GARNL3: variants seen among roughly 807,000 people sequenced by gnomAD.
GARNL3 encodes the protein GTPase activating Rap/RanGAP domain like 3.
GARNL3 carries 63 observed loss-of-function variants against 125.0 expected under a neutral mutation model. The ratio of observed to expected loss-of-function variants is 0.50; its 90% confidence interval spans 0.41 to 0.62. The LOEUF is 0.62. Ranked by LOEUF, GARNL3 falls within the 20% of genes least tolerant of loss-of-function variation. The probability of loss-of-function intolerance (pLI) is 0.00; values close to 1 mark genes in which losing one functional copy is unlikely to be tolerated. For synonymous variants in GARNL3, 439 were observed against 457.5 expected (o/e 0.96, Z 0.52); for missense variants, 994 against 1,244.0 (o/e 0.80, Z 3.02).
chr9:127,315,855 C>A (rs375951073), intron 4 of GARNL3, among the ~76,000 whole-genome samples: 1 of 152,138 alleles, frequency 6.6e-6, no homozygotes, highest in East Asian at 1.9e-4. Context: ...ATAATCACTG[C>A]AACAGGCTTC....
intron 10 of GARNL3, 27 bp from the exon 11 acceptor site, chr9:127,336,101 C>A: frequency 1.3e-6 from 2 of 1,499,144 alleles, no homozygotes; most frequent in Non-Finnish European, 9.3e-7. Flanking sequence ...GAGTCTTTCT[C>A]AGTGATGTTA....
intron 4 of GARNL3, among the ~76,000 whole-genome samples, chr9:127,315,044 G>A (rs2065201729): frequency 1.3e-5 from 2 of 152,244 alleles, no homozygotes; most frequent in South Asian, 2.1e-4. Flanking sequence ...CAGGACTGCT[G>A]TGAAGGCAGC....
At chr9:127,271,950 T>C (rs2063833047) in intron 1 of GARNL3, among the ~76,000 whole-genome samples, 1 of 150,276 alleles carries the variant, frequency 6.7e-6, no homozygotes, top group Non-Finnish European at 1.5e-5. Flanking sequence ...AATAAATATA[T>C]CAGTGCTTCT....
At chr9:127,373,812 C>T (rs1337566005) in intron 22 of GARNL3, among the ~76,000 whole-genome samples, 2 of 152,132 alleles carry the variant, frequency 1.3e-5, no homozygotes, top group Non-Finnish European at 2.9e-5. Flanking sequence ...TCACTTGAGT[C>T]TGGCCAACAT....
intron 7 of GARNL3, among the ~76,000 whole-genome samples, chr9:127,328,281 C>A (rs1829007924): frequency 6.6e-6 from 1 of 152,122 alleles, no homozygotes; most frequent in African/African-American, 2.4e-5. Flanking sequence ...GGAGTGTGAA[C>A]AATGGCCATG....
intron 22 of GARNL3, among the ~76,000 whole-genome samples, chr9:127,379,781 T>G (rs928480879): frequency 2.0e-5 from 3 of 152,224 alleles, no homozygotes; most frequent in African/African-American, 7.2e-5. Context: ...TACAATATAG[T>G]GAAGAAAGCA....
chr9:127,381,035 C>T (rs566450101), intron 22 of GARNL3, among the ~76,000 whole-genome samples: 40 of 152,310 alleles, frequency 2.6e-4, no homozygotes, highest in South Asian at 1.0e-3. Context: ...TGCGCCACCA[C>T]GCCCAGCTGA....
chr9:127,346,961 G>C (rs1416947771), intron 16 of GARNL3, among the ~76,000 whole-genome samples: 1 of 152,192 alleles, frequency 6.6e-6, no homozygotes, highest in Non-Finnish European at 1.5e-5. Flanking sequence ...CCATGGAAGG[G>C]AGTCCAGGGC....
chr9:127,335,332 A>C lies in GARNL3; in HGVS notation c.872A>C (p.Gln291Pro). 6.2e-7 allele frequency: 1 copy of C among 1,601,716 alleles called. No individual in the cohort carries two copies. The highest frequency in any genetic ancestry group is 8.6e-7 in the Non-Finnish European group (1 of 1,168,630). ...CCATATTCCAAAGAGAACAAACAGC[A>C]GGTACATGTGAACATACAAACCATC... ...MLPYSKENKQ[Q>P]VERKRHIGND... The change falls in exon 10 of 28, where the codon CAG (glutamine) becomes CCG (proline). Residue 291 changes from glutamine (Q) to proline (P), a missense_variant and splice_region_variant. Physicochemically the swap from Gln to Pro is moderately conservative, Grantham distance 76. Around this residue, in one of 5 missense-constraint regions of GARNL3, gnomAD observed 19 missense variants for 46.4 expected, o/e 0.41. Coordinates refer to ENST00000373387, the MANE Select transcript of GARNL3 (RefSeq NM_032293.5).
chr9:127,385,124 G>T lies in GARNL3; in HGVS notation c.2367G>T (p.Gln789His), dbSNP rs1457234535. The T allele has an allele frequency of 1.9e-6, 3 of 1,606,518 alleles. No individual in the cohort carries two copies. Among genetic ancestry groups the T allele is most frequent in the Admixed American group, 3.4e-5 (2 of 59,332 alleles). The stretch of plus-strand genomic sequence containing the variant: ...TGGTCCACACTGCAGTCGTGCCGCA[G>T]CTGCAGCTGGTGGCCTCCAGGGTGA... ...GNLVHTAVVP[Q>H]LQLVASRSDI... Residue 789 changes from glutamine to histidine, a missense_variant, in exon 24 of 28, where the codon CAG (glutamine) becomes CAT (histidine). By Grantham distance (24) the Gln-to-His change is conservative (BLOSUM62 0). Transcript: ENST00000373387. This position sits in a 1 kb window ranked among gnomAD's most constrained non-coding sequence, Gnocchi z 4.1.
intron 14 of GARNL3, among the ~76,000 whole-genome samples, chr9:127,342,754 A>T (rs1829929597): frequency 6.6e-6 from 1 of 151,932 alleles, no homozygotes; most frequent in African/African-American, 2.4e-5. Context: ...TTGGAGATTT[A>T]TTGGCCAGCC....
chr9:127,345,178 C>G (rs1247744313), intron 15 of GARNL3, among the ~76,000 whole-genome samples: 2 of 152,104 alleles, frequency 1.3e-5, no homozygotes, highest in Non-Finnish European at 2.9e-5. Flanking sequence ...TATATTGATT[C>G]ATTGAAATGA....
At chr9:127,304,011 C>T (rs751031000) in intron 2 of GARNL3, among the ~76,000 whole-genome samples, 1 of 152,106 alleles carries the variant, frequency 6.6e-6, no homozygotes, top group Non-Finnish European at 1.5e-5. Flanking sequence ...TCATTTCCCT[C>T]TGTTGTAGCC....
rs1564154413 is a variant in GARNL3 at position 127,338,142 on chromosome 9, C to A, written c.1009C>A (p.Gln337Lys). The change falls in exon 12 of 28, where the codon CAA (glutamine) becomes AAA (lysine). Residue 337 changes from glutamine (Q) to lysine (K), a missense_variant. By Grantham distance (53) the Gln-to-Lys change is moderately conservative. Around this residue, in one of 5 missense-constraint regions of GARNL3, gnomAD observed 728 missense variants for 865.7 expected, o/e 0.84. Transcript: ENST00000373387. ...TATTTTTGCCTTAGTGAGATACAAT[C>A]AACAAAATGACAATTACAGGTAGGT... The part of the protein sequence containing the change: ...THIFALVRYN[Q>K]QNDNYRLKIF... 1 of 1,611,618 alleles carries A rather than the reference C, an allele frequency of 6.2e-7. No homozygotes were observed.
At chr9:127,344,957 G>A (rs1475016331) in intron 15 of GARNL3, among the ~76,000 whole-genome samples, 2 of 152,202 alleles carry the variant, frequency 1.3e-5, no homozygotes, top group Non-Finnish European at 2.9e-5. Flanking sequence ...CTGCAAATAA[G>A]GTTCTGGCCC....
chr9:127,244,267 C>T (rs528885039), intron 2 of GARNL3, among the ~76,000 whole-genome samples: 7 of 152,164 alleles, frequency 4.6e-5, no homozygotes, highest in Non-Finnish European at 8.8e-5. Context: ...GAAGCCATCA[C>T]CTGCTGGAGG....
At chr9:127,331,157 C>CA (rs946281353) in intron 7 of GARNL3, among the ~76,000 whole-genome samples, 3 of 151,242 alleles carry the variant, frequency 2.0e-5, no homozygotes, top group Non-Finnish European at 4.4e-5. Context: ...TTCAGGTATA[C>CA]AAAAAAAAGT....
intron 7 of GARNL3, among the ~76,000 whole-genome samples, chr9:127,329,210 C>A (rs1829066900): frequency 6.6e-6 from 1 of 152,180 alleles, no homozygotes; most frequent in Non-Finnish European, 1.5e-5. Flanking sequence ...TAAGTAGGTT[C>A]AAGTACTTAA....
intron 10 of GARNL3, among the ~76,000 whole-genome samples, 200 bp from the exon 11 acceptor site, chr9:127,335,928 T>A (rs528912659): frequency 6.6e-6 from 1 of 152,236 alleles, no homozygotes; most frequent in South Asian, 2.1e-4. Context: ...GCTTGGCCAC[T>A]GAGACAGGAG....
Sources: allele counts gnomAD v4.1 joint callset (sites outside exome capture counted in the v4.1 genomes callset), GRCh38; gene constraint gnomAD v4.1.1; regional missense constraint gnomAD v4.1.1; non-coding constraint Gnocchi (gnomAD v3.1); transcripts MANE v1.5; gene names NCBI Gene and HGNC (gene_info 2026-07-23, HGNC 2026-07-21).